Variants in ELAVL1 observed in about 807,000 individuals in gnomAD.
ELAVL1 encodes the protein ELAV like RNA binding protein 1.
Under a neutral mutation model 28.4 loss-of-function variants are expected in ELAVL1, and 1 was observed. The ratio of observed to expected loss-of-function variants is 0.04; its 90% CI spans 0.01 to 0.17. The LOEUF is 0.17. Among genes scored for constraint, ELAVL1 ranks in the 10% least tolerant of loss-of-function variants. The pLI is 1.00. For synonymous variants in ELAVL1, 174 were observed against 183.5 expected (o/e 0.95, Z 0.42); for missense variants, 157 against 447.2 (o/e 0.35, Z 5.85).
rs560786762 is a variant in ELAVL1, at chr19:7,979,322, T to C, written c.276+1761A>G. On this transcript the variant is annotated intron_variant, in intron 3 of 5. Transcript: ENST00000407627. The surrounding 1 kb of genome is among the most constrained non-coding windows in gnomAD (Gnocchi z 5.4). ...ACAGGGAGGGACACCTGCCCAGGCC[T>C]GGGCCCCTGGGGTCCCGTGAGGCTC... Among the ~76,000 whole-genome samples, 1 of 152,270 alleles carries C rather than the reference T, an allele frequency of 6.6e-6. No homozygotes were observed. The highest frequency in any genetic ancestry group is 6.5e-5 in the Admixed American group (1 of 15,296).
chr19:7,988,847 C>T (rs916963165), intron 2 of ELAVL1, among the ~76,000 whole-genome samples: 1 of 152,156 alleles, frequency 6.6e-6, no homozygotes, highest in African/African-American at 2.4e-5. Context: ...TCAAGACACT[C>T]GAAGCCCAGG....
At chr19:7,992,328 T>C (rs540894941) in intron 1 of ELAVL1, among the ~76,000 whole-genome samples, 6 of 152,300 alleles carry the variant, frequency 3.9e-5, no homozygotes, top group African/African-American at 1.4e-4. Context: ...GCTTCACTCA[T>C]AATTGCCAAA....
chr19:7,996,165 C>A (rs2081047362), intron 1 of ELAVL1, among the ~76,000 whole-genome samples: 1 of 151,780 alleles, frequency 6.6e-6, no homozygotes, highest in African/African-American at 2.4e-5. Flanking sequence ...CGTAAGCCAC[C>A]TCACCCAACC....
intron 2 of ELAVL1, among the ~76,000 whole-genome samples, chr19:7,989,400 G>C (rs1599676481): frequency 6.6e-6 from 1 of 152,218 alleles, no homozygotes; most frequent in South Asian, 2.1e-4. Context: ...CCTCCGAACT[G>C]AAATAATTTC....
chr19:7,984,460 A>G (rs1305629596), intron 2 of ELAVL1, among the ~76,000 whole-genome samples: 1 of 152,204 alleles, frequency 6.6e-6, no homozygotes, highest in Non-Finnish European at 1.5e-5. Flanking sequence ...GTATTCCCAG[A>G]AAGTAGAGGT....
At chr19:7,969,923 T>C (rs1049461665) in intron 4 of ELAVL1, among the ~76,000 whole-genome samples, 1 of 152,158 alleles carries the variant, frequency 6.6e-6, no homozygotes, top group African/African-American at 2.4e-5. Context: ...ATGTATACTT[T>C]CTGAAGATGG....
chr19:7,976,030 C>A (rs2145208540), intron 3 of ELAVL1, among the ~76,000 whole-genome samples: 1 of 150,360 alleles, frequency 6.7e-6, no homozygotes, highest in South Asian at 2.1e-4. Context: ...GAGTTTGAGG[C>A]TGCAGTGAGC....
At chr19:7,986,165 G>A (rs922813947) in intron 2 of ELAVL1, among the ~76,000 whole-genome samples, 23 of 152,312 alleles carry the variant, frequency 1.5e-4, no homozygotes, top group African/African-American at 3.1e-4. Flanking sequence ...AGCTGGAAGC[G>A]CCCTGACCTG....
chr19:7,973,812 G>A lies in ELAVL1; in HGVS notation c.343C>T (p.Arg115Trp). ...DANLYISGLP[R>W]TMTQKDVEDM... ...TCTACGTCCTTCTGGGTCATGGTCC[G>A]CGGGAGCCCGCTGATGTACAAGTTG... Residue 115 changes from arginine (R) to tryptophan (W), a missense_variant, in exon 4 of 6, where the codon CGG (arginine) becomes TGG (tryptophan). By Grantham distance (101) the Arg-to-Trp change is moderately radical (BLOSUM62 -3). Transcript: ENST00000407627. The A allele has an allele frequency of 6.2e-7, 1 of 1,614,128 alleles. No individual in the cohort carries two copies. The highest frequency in any genetic ancestry group is 8.5e-7 in the Non-Finnish European group (1 of 1,180,022).
chr19:7,991,077 C>T (rs1272171859), intron 2 of ELAVL1, among the ~76,000 whole-genome samples: 3 of 152,214 alleles, frequency 2.0e-5, no homozygotes, highest in Non-Finnish European at 4.4e-5. Flanking sequence ...TTTTAGCTGC[C>T]AGGCTCCTGC....
Position 7,982,233 on chromosome 19 carries a change from G to C in ELAVL1, c.173-1047C>G, listed in dbSNP as rs1985484301. Among the ~76,000 whole-genome samples, 1 of 152,200 alleles carries C rather than the reference G, an allele frequency of 6.6e-6. No homozygotes were observed. The highest frequency in any genetic ancestry group is 1.5e-5 in the Non-Finnish European group (1 of 68,038). On this transcript the variant is annotated intron_variant, in intron 2 of 5. Coordinates refer to ENST00000407627, the MANE Select transcript of ELAVL1 (RefSeq NM_001419.3). This position sits in a 1 kb window ranked among gnomAD's most constrained non-coding sequence, Gnocchi z 4.3. ...TTGGCCAAATGCTCTCACTAAAGGG[G>C]AAGTGAGGAGGCACAGGGAAGAGCG...
At chr19:7,991,592 C>T in intron 2 of ELAVL1, 52 bp downstream of exon 2, 1 of 1,564,432 alleles carries the variant, frequency 6.4e-7, no homozygotes, top group Non-Finnish European at 8.7e-7. Context: ...GAGACAGTGC[C>T]CAAAGGATGG....
Position 7,981,273 on chromosome 19 carries a change from C to A in ELAVL1, c.173-87G>T. ...TCGGGAAGCACTATATCTGCCTGGC[C>A]TTTGGGAAATGGGATTACAGGTGCT... On this transcript the variant is annotated intron_variant, in intron 2 of 5. Coordinates refer to ENST00000407627, the MANE Select transcript of ELAVL1 (RefSeq NM_001419.3). The surrounding 1 kb of genome is among the most constrained non-coding windows in gnomAD (Gnocchi z 4.2). 7.5e-7 allele frequency: 1 copy of A among 1,326,274 alleles called. No individual in the cohort carries two copies. The highest frequency in any genetic ancestry group is 1.1e-6 in the Non-Finnish European group (1 of 921,894). The allele number at this position is 1,326,274 out of a possible 1,614,324, so 82.2% of individuals were successfully genotyped here.
intron 5 of ELAVL1, 46 bp downstream of exon 5, chr19:7,967,519 G>A: frequency 6.3e-7 from 1 of 1,590,938 alleles, no homozygotes; most frequent in Non-Finnish European, 8.6e-7. Context: ...TCGCCTGCCA[G>A]CGGGGCTAAG....
intron 1 of ELAVL1, among the ~76,000 whole-genome samples, chr19:7,999,053 T>C (rs540985174): frequency 2.0e-5 from 3 of 152,302 alleles, no homozygotes; most frequent in Admixed American, 6.5e-5. Context: ...TGAGAGCCAC[T>C]ACACCAGGCT....
intron 3 of ELAVL1, among the ~76,000 whole-genome samples, chr19:7,975,430 A>G (rs1210933151): frequency 1.3e-5 from 2 of 152,200 alleles, no homozygotes; most frequent in African/African-American, 4.8e-5. Context: ...GGACCATGGG[A>G]ACTCTGCTTT....
chr19:7,968,709 C>T (rs1985023489), intron 4 of ELAVL1, among the ~76,000 whole-genome samples: 1 of 152,248 alleles, frequency 6.6e-6, no homozygotes, highest in African/African-American at 2.4e-5. Flanking sequence ...CTATGGGGGA[C>T]ATTGGTCAGC....
intron 2 of ELAVL1, 108 bp downstream of exon 2, chr19:7,991,536 C>A: frequency 8.1e-6 from 9 of 1,108,734 alleles, no homozygotes; most frequent in Non-Finnish European, 1.2e-5. Context: ...CGTTTCAAGG[C>A]TGTAGTTATC....
intron 2 of ELAVL1, among the ~76,000 whole-genome samples, chr19:7,989,322 G>A (rs892695319): frequency 1.3e-5 from 2 of 152,220 alleles, no homozygotes; most frequent in African/African-American, 4.8e-5. Flanking sequence ...TGAAAGCCCA[G>A]GCCCAGCCAC....
Sources: allele counts gnomAD v4.1 joint callset (sites outside exome capture counted in the v4.1 genomes callset), GRCh38; gene constraint gnomAD v4.1.1; non-coding constraint Gnocchi (gnomAD v3.1); transcripts MANE v1.5; gene names NCBI Gene and HGNC (gene_info 2026-07-23, HGNC 2026-07-21).